Variants in CDH8 observed in about 807,000 individuals in gnomAD.
The protein encoded by CDH8 is cadherin-8.
In CDH8, 17 loss-of-function variants were observed where a neutral mutation model predicts 68.1. That is an observed-to-expected ratio of 0.25 (90% confidence interval 0.17 to 0.37). The LOEUF is 0.37. CDH8 is among the 10% of genes least tolerant of loss of function. The pLI is 1.00. For missense variants in CDH8, 763 were observed against 999.3 expected (o/e 0.76, Z 3.19); for synonymous variants, 372 against 365.1 (o/e 1.02, Z -0.21).
intron 2 of CDH8, among the ~76,000 whole-genome samples, chr16:62,018,363 C>A (rs1197510735): frequency 6.6e-6 from 1 of 152,146 alleles, no homozygotes; most frequent in Non-Finnish European, 1.5e-5. Flanking sequence ...TGGTGACTCG[C>A]AGGAGGGCCT....
At chr16:61,721,900 T>C (rs1256588779) in intron 9 of CDH8, among the ~76,000 whole-genome samples, 2 of 150,750 alleles carry the variant, frequency 1.3e-5, no homozygotes, top group Non-Finnish European at 3.0e-5. Flanking sequence ...TAACATGTGG[T>C]TGCTAATACC....
At chr16:61,800,701 G>A (rs563078565) in intron 7 of CDH8, among the ~76,000 whole-genome samples, 50 of 152,274 alleles carry the variant, frequency 3.3e-4, no homozygotes, top group African/African-American at 1.2e-3. Context: ...TACTCATGGG[G>A]TAGAGCTAAT....
At chr16:61,906,492 G>A (rs1964064429) in intron 2 of CDH8, among the ~76,000 whole-genome samples, 1 of 152,166 alleles carries the variant, frequency 6.6e-6, no homozygotes, top group Non-Finnish European at 1.5e-5. Context: ...TAACAGGACT[G>A]CTACATAATG....
At chr16:61,875,091 C>T (rs1263082561) in intron 3 of CDH8, among the ~76,000 whole-genome samples, 1 of 152,132 alleles carries the variant, frequency 6.6e-6, no homozygotes, top group Non-Finnish European at 1.5e-5. Flanking sequence ...GAGAAGCAGA[C>T]AATTATAGAT....
chr16:61,704,136 A>G (rs571706986), intron 10 of CDH8, among the ~76,000 whole-genome samples: 1 of 152,324 alleles, frequency 6.6e-6, no homozygotes, highest in Admixed American at 6.5e-5. Context: ...AGTAAACTAC[A>G]TTCTAGGTAT....
At chr16:61,901,867 A>G (rs966185069) in intron 2 of CDH8, among the ~76,000 whole-genome samples, 13 of 152,142 alleles carry the variant, frequency 8.5e-5, no homozygotes, top group African/African-American at 3.1e-4. Flanking sequence ...CTTCTCATAT[A>G]ATCATATCCT....
intron 8 of CDH8, among the ~76,000 whole-genome samples, chr16:61,771,610 C>T (rs1003628231): frequency 6.6e-5 from 10 of 151,064 alleles, no homozygotes; most frequent in Non-Finnish European, 1.2e-4. Context: ...AAACATCAAA[C>T]TCAGTACAAT....
At chr16:61,985,156 A>C (rs192028724) in intron 2 of CDH8, among the ~76,000 whole-genome samples, 2 of 151,014 alleles carry the variant, frequency 1.3e-5, no homozygotes, top group African/African-American at 4.9e-5. Flanking sequence ...GATCTTTGCT[A>C]TATCCTCTGT....
intron 2 of CDH8, among the ~76,000 whole-genome samples, chr16:61,971,574 T>C (rs752595810): frequency 6.6e-6 from 1 of 152,250 alleles, no homozygotes; most frequent in Non-Finnish European, 1.5e-5. Flanking sequence ...TTCAGCTCTC[T>C]GGAAGCTCTC....
At chr16:61,674,460 A>C (rs1408640984) in intron 10 of CDH8, among the ~76,000 whole-genome samples, 1 of 151,056 alleles carries the variant, frequency 6.6e-6, no homozygotes, top group African/African-American at 2.5e-5. Context: ...ACTCACAAAA[A>C]AAAAAAAAAA....
At chr16:61,703,346 T>G (rs1964467977) in intron 10 of CDH8, among the ~76,000 whole-genome samples, 1 of 152,190 alleles carries the variant, frequency 6.6e-6, no homozygotes, top group South Asian at 2.1e-4. Flanking sequence ...CCTGAACATA[T>G]TTCCATTTTC....
intron 8 of CDH8, among the ~76,000 whole-genome samples, chr16:61,770,806 A>G (rs910364128): frequency 5.9e-5 from 9 of 151,936 alleles, no homozygotes; most frequent in Non-Finnish European, 1.3e-4. Flanking sequence ...CCTCTCCACT[A>G]CAGAAACTTC....
intron 2 of CDH8, among the ~76,000 whole-genome samples, chr16:61,912,298 G>A (rs567366363): frequency 6.6e-6 from 1 of 152,136 alleles, no homozygotes; most frequent in Admixed American, 6.5e-5. Context: ...GGCACATCAT[G>A]TTTTTTTCTG....
At chr16:61,808,662 G>A (rs1340230709) in intron 7 of CDH8, among the ~76,000 whole-genome samples, 1 of 152,150 alleles carries the variant, frequency 6.6e-6, no homozygotes, top group Non-Finnish European at 1.5e-5. Flanking sequence ...AAATTATTTT[G>A]AGAAATTTAT....
rs186882508 is a variant in CDH8 at position 61,654,513 on chromosome 16, A to G, written c.1907-412T>C. On this transcript the variant is annotated intron_variant, in intron 11 of 11. Transcript: ENST00000577390. ...CCTTCTATTAAAAAAAAAGGAGTAA[A>G]CTAGGTCCTTGGGCTTTCACAGTTT... Among the ~76,000 whole-genome samples the G allele has an allele frequency of 3.4e-4, 52 of 152,224 alleles. 1 individual carries two copies. In the South Asian group the frequency reaches 4.6e-3, roughly 13 times the overall value.
chr16:61,660,300 G>A (rs989072693), intron 10 of CDH8, among the ~76,000 whole-genome samples: 2 of 151,052 alleles, frequency 1.3e-5, no homozygotes, highest in African/African-American at 2.4e-5. Context: ...AAAAGAAAAA[G>A]CCCATGAGAG....
intron 4 of CDH8, among the ~76,000 whole-genome samples, chr16:61,837,059 T>C (rs1345812772): frequency 1.3e-5 from 2 of 151,876 alleles, no homozygotes; most frequent in Non-Finnish European, 2.9e-5. Context: ...CATTCTTCTT[T>C]GGGGGTGCAG....
intron 3 of CDH8, among the ~76,000 whole-genome samples, chr16:61,878,164 T>A (rs1368811252): frequency 6.6e-6 from 1 of 152,216 alleles, no homozygotes; most frequent in Non-Finnish European, 1.5e-5. Flanking sequence ...CCATTTTCTA[T>A]CCCTGCTAAA....
chr16:61,919,134 G>A (rs1211602810), intron 2 of CDH8, among the ~76,000 whole-genome samples: 3 of 145,594 alleles, frequency 2.1e-5, no homozygotes, highest in Non-Finnish European at 3.0e-5. Flanking sequence ...CTAACAAACA[G>A]AAAGGACATC....
Sources: gnomAD v4.1 joint callset for allele counts (sites outside exome capture counted in the v4.1 genomes callset) on GRCh38, gnomAD v4.1.1 for gene constraint, MANE v1.5 for transcripts, NCBI Gene and HGNC (gene_info 2026-07-23, HGNC 2026-07-21) for gene names.